WNT7A: variants seen among roughly 807,000 people sequenced by gnomAD.
The protein encoded by WNT7A is Wnt family member 7A.
WNT7A carries 16 observed loss-of-function variants against 28.2 expected under a neutral mutation model. The ratio of observed to expected loss-of-function variants is 0.57; its 90% CI spans 0.38 to 0.86. The LOEUF is 0.86. Ranked by LOEUF, WNT7A falls within the 40% of genes least tolerant of loss-of-function variation. WNT7A has a pLI of 0.00. For synonymous variants in WNT7A, 190 were observed against 195.9 expected (o/e 0.97, Z 0.25); for missense variants, 411 against 489.7 (o/e 0.84, Z 1.52).
intron 3 of WNT7A, among the ~76,000 whole-genome samples, chr3:13,823,032 C>T (rs549417211): frequency 1.3e-5 from 2 of 152,348 alleles, no homozygotes; most frequent in South Asian, 4.1e-4. Context: ...TAGCCCTGCA[C>T]ACTCTGCATT....
intron 3 of WNT7A, among the ~76,000 whole-genome samples, chr3:13,850,691 A>G (rs994426564): frequency 4.0e-5 from 6 of 151,866 alleles, no homozygotes; most frequent in African/African-American, 1.5e-4. Context: ...ACCCTCCCCC[A>G]GGCCCCCGGA....
chr3:13,832,794 G>A (rs9823558), intron 3 of WNT7A, among the ~76,000 whole-genome samples: 3,421 of 152,192 alleles, frequency 0.022, 134 homozygotes, highest in African/African-American at 0.078. Context: ...ATAGGACAGG[G>A]CCCCTGGAAT....
intron 2 of WNT7A, among the ~76,000 whole-genome samples, chr3:13,864,404 T>G (rs1259061663): frequency 6.6e-6 from 1 of 152,174 alleles, no homozygotes; most frequent in Non-Finnish European, 1.5e-5. Flanking sequence ...CCAGGGCTCC[T>G]GTCTGCGTCG....
At chr3:13,864,692 G>A (rs564912130) in intron 2 of WNT7A, among the ~76,000 whole-genome samples, 16 of 152,290 alleles carry the variant, frequency 1.1e-4, no homozygotes, top group Admixed American at 6.5e-4. Context: ...ATACAAGTGG[G>A]GGAGTCTTAT....
intron 3 of WNT7A, among the ~76,000 whole-genome samples, chr3:13,846,898 G>C (rs188313751): frequency 9.7e-4 from 148 of 152,264 alleles, no homozygotes; most frequent in Non-Finnish European, 1.3e-3. Context: ...ATCCAGGTTG[G>C]GGGTGGGGTG....
chr3:13,838,274 G>A (rs1694401729), intron 3 of WNT7A, among the ~76,000 whole-genome samples: 1 of 152,182 alleles, frequency 6.6e-6, no homozygotes. Flanking sequence ...GCGGCTTCGG[G>A]TCCTCACCCT....
In WNT7A at chr3:13,878,607, G is replaced by A. The variant is rs916285098; in HGVS notation, c.71+1139C>T. Among the ~76,000 whole-genome samples the A allele has an allele frequency of 3.3e-5, 5 of 152,306 alleles. No individual in the cohort carries two copies. The South Asian group carries it at 8.3e-4, about 25-fold the overall frequency. ...CAACTTGCGAAATCCCCGCTCCAGA[G>A]ACGTGGACTGGGGAAGTGACGGGGT... is the stretch of plus-strand genomic sequence containing the variant. On this transcript the variant is annotated intron_variant, in intron 1 of 3. Coordinates refer to ENST00000285018, the MANE Select transcript of WNT7A (RefSeq NM_004625.4).
chr3:13,856,947 GAAGAAGAAGAAGAAGA>G (rs1559303317), intron 2 of WNT7A, among the ~76,000 whole-genome samples: 3 of 122,180 alleles, frequency 2.5e-5, no homozygotes, highest in African/African-American at 4.0e-5. Context: ...AGAAGAAGAA[GAAGAAGAAGAAGAAGA>G]AGAAGGAGAA....
At chr3:13,838,124 G>A (rs992439980) in intron 3 of WNT7A, among the ~76,000 whole-genome samples, 3 of 151,984 alleles carry the variant, frequency 2.0e-5, no homozygotes, top group Non-Finnish European at 4.4e-5. Flanking sequence ...TGAGGGTGCG[G>A]TGGGGCCTCT....
At chr3:13,860,111 G>T (rs1386746276) in intron 2 of WNT7A, among the ~76,000 whole-genome samples, 3 of 152,090 alleles carry the variant, frequency 2.0e-5, no homozygotes, top group African/African-American at 7.2e-5. Context: ...CATTTGTTGG[G>T]CACCTCCTAG....
At chr3:13,830,659 G>C (rs187511799) in intron 3 of WNT7A, among the ~76,000 whole-genome samples, 73 of 152,256 alleles carry the variant, frequency 4.8e-4, no homozygotes, top group Non-Finnish European at 8.8e-4. Flanking sequence ...GGACCACATG[G>C]TGGCTGTGAC....
Position 13,879,747 on chromosome 3 carries a change from C to G in WNT7A, c.70G>C (p.Gly24Arg). Residue 24 changes from glycine to arginine, a missense_variant and splice_region_variant, in exon 1 of 4, where the codon GGT becomes CGT. Coordinates refer to ENST00000285018, the MANE Select transcript of WNT7A (RefSeq NM_004625.4). The part of the protein sequence containing the change: ...LSLGMVYLRI[G>R]GFSSVVALGA... ...GGAAAGGGCGCAGGCAGCCCTTACCCGATCCGGAGGTAGACCATGCCCAGG... is the reference window on the plus strand; with the variant it reads ...GGAAAGGGCGCAGGCAGCCCTTACCGGATCCGGAGGTAGACCATGCCCAGG... The G allele has an allele frequency of 1.2e-6, 2 of 1,612,524 alleles. No homozygotes were observed. Among genetic ancestry groups the G allele is most frequent in the Non-Finnish European group, 1.7e-6 (2 of 1,179,142 alleles).
At chr3:13,868,786 A>AAGGGAGGG (rs1694970777) in intron 2 of WNT7A, among the ~76,000 whole-genome samples, 1 of 16,804 alleles carries the variant, frequency 6.0e-5, no homozygotes, top group African/African-American at 1.8e-4. Context: ...GGGAGGAAGG[A>AAGGGAGGG]AGGAAGGGAG....
intron 3 of WNT7A, among the ~76,000 whole-genome samples, chr3:13,833,292 T>C (rs1228530307): frequency 6.6e-6 from 1 of 152,158 alleles, no homozygotes; most frequent in African/African-American, 2.4e-5. Flanking sequence ...GTGCTTCTCA[T>C]GCCGTCCATC....
chr3:13,838,808 A>C (rs1286865580), intron 3 of WNT7A, among the ~76,000 whole-genome samples: 1 of 152,222 alleles, frequency 6.6e-6, no homozygotes, highest in African/African-American at 2.4e-5. Context: ...CGAGCTCCCT[A>C]TCACCAGGGT....
chr3:13,848,023 TA>T (rs1165277709), intron 3 of WNT7A, among the ~76,000 whole-genome samples: 3 of 151,978 alleles, frequency 2.0e-5, no homozygotes, highest in Admixed American at 6.6e-5. Context: ...ACATACAATT[TA>T]AAAAAGAAAT....
intron 3 of WNT7A, among the ~76,000 whole-genome samples, chr3:13,825,982 G>A (rs962795300): frequency 9.9e-5 from 15 of 152,160 alleles, no homozygotes; most frequent in African/African-American, 2.2e-4. Context: ...GAAATCCCCC[G>A]CCTCTGATGA....
chr3:13,830,211 C>CATGGTAAAG (rs1437735895), intron 3 of WNT7A, among the ~76,000 whole-genome samples: 6 of 152,158 alleles, frequency 3.9e-5, no homozygotes, highest in African/African-American at 1.4e-4. Flanking sequence ...CAGCTGATCA[C>CATGGTAAAG]ATGGTAAAGG....
intron 2 of WNT7A, among the ~76,000 whole-genome samples, chr3:13,873,443 C>A (rs1559308818): frequency 6.6e-6 from 1 of 151,978 alleles, no homozygotes; most frequent in Non-Finnish European, 1.5e-5. Context: ...CACTGGGATT[C>A]CTGAATGCAA....
Sources: gnomAD v4.1 joint callset for allele counts (sites outside exome capture counted in the v4.1 genomes callset) on GRCh38, gnomAD v4.1.1 for gene constraint, MANE v1.5 for transcripts, NCBI Gene and HGNC (gene_info 2026-07-23, HGNC 2026-07-21) for gene names.